The following ANXA8 variants were observed in gnomAD, a reference collection of about 807,000 sequenced individuals.
The protein encoded by ANXA8 is annexin A8.
In ANXA8, 9 loss-of-function variants were observed where a neutral mutation model predicts 26.8. The ratio of observed to expected loss-of-function variants is 0.34; its 90% CI spans 0.20 to 0.59. ANXA8 has a LOEUF of 0.59. ANXA8 is among the 20% of genes least tolerant of loss of function. The pLI is 0.84. For missense variants in ANXA8, 83 were observed against 238.5 expected (o/e 0.35, Z 4.29); for synonymous variants, 39 against 94.8 (o/e 0.41, Z 3.42).
At chr10:47,943,635 T>C in the ANXA8 span, among the ~76,000 whole-genome samples, 2 of 151,424 alleles carry the variant, frequency 1.3e-5, no homozygotes, top group African/African-American at 2.4e-5. Flanking sequence ...TTTTGGGGTG[T>C]CCTGGTAGGA....
chr10:47,691,315 C>A, the ANXA8 span: 7 of 962,326 alleles, frequency 7.3e-6, no homozygotes, highest in African/African-American at 2.1e-5. Flanking sequence ...TCTTTGAAGA[C>A]TCTTTCTTTA....
At chr10:47,696,428 G>T in the ANXA8 span, 6 of 1,300,924 alleles carry the variant, frequency 4.6e-6, no homozygotes, top group Non-Finnish European at 6.3e-6. Flanking sequence ...AGGACCAATG[G>T]ATTGGTGAGA....
the ANXA8 span, chr10:47,581,204 A>G: frequency 7.7e-6 from 3 of 388,222 alleles, no homozygotes; most frequent in Non-Finnish European, 1.5e-5. Flanking sequence ...AACCTAACAC[A>G]GTCTCACCTG....
chr10:47,631,251 A>G, the ANXA8 span, among the ~76,000 whole-genome samples: 1 of 151,520 alleles, frequency 6.6e-6, no homozygotes, highest in Non-Finnish European at 1.5e-5. Flanking sequence ...GTAATTATAA[A>G]TTCAGGATTC....
chr10:47,551,256 GT>G, the ANXA8 span, among the ~76,000 whole-genome samples: 4 of 151,660 alleles, frequency 2.6e-5, no homozygotes, highest in East Asian at 7.8e-4. Flanking sequence ...GAGGTAACTT[GT>G]TTTCTTGACC....
the ANXA8 span, among the ~76,000 whole-genome samples, chr10:47,941,183 T>C: frequency 6.8e-6 from 1 of 146,268 alleles, no homozygotes; most frequent in African/African-American, 2.6e-5. Context: ...CAGACAGGGG[T>C]AAGCAGACAC....
chr10:47,954,895 A>G, the ANXA8 span, among the ~76,000 whole-genome samples: 1 of 150,966 alleles, frequency 6.6e-6, no homozygotes, highest in Non-Finnish European at 1.5e-5. Flanking sequence ...ACATTAAAGC[A>G]GGAGAGATTA....
the ANXA8 span, among the ~76,000 whole-genome samples, chr10:47,700,055 T>G: frequency 6.6e-6 from 1 of 151,964 alleles, no homozygotes; most frequent in African/African-American, 2.4e-5. Context: ...ATAGGATGAC[T>G]CAACATTATA....
the ANXA8 span, among the ~76,000 whole-genome samples, chr10:47,743,323 T>TAC: frequency 8.5e-5 from 8 of 94,308 alleles, no homozygotes; most frequent in East Asian, 8.6e-4. Context: ...CACATATATA[T>TAC]ATATACATAT....
the ANXA8 span, among the ~76,000 whole-genome samples, chr10:47,946,981 G>A: frequency 2.7e-5 from 4 of 150,350 alleles, no homozygotes; most frequent in Admixed American, 6.6e-5. Context: ...ATGAGCCACC[G>A]AGCCTGGCCC....
the ANXA8 span, among the ~76,000 whole-genome samples, chr10:47,778,638 T>C: frequency 6.6e-6 from 1 of 151,876 alleles, no homozygotes; most frequent in African/African-American, 2.4e-5. Context: ...AATATAATTT[T>C]ATTCTAAAGG....
the ANXA8 span, among the ~76,000 whole-genome samples, chr10:47,958,450 G>A: frequency 1.4e-5 from 2 of 146,440 alleles, no homozygotes; most frequent in Non-Finnish European, 3.0e-5. Flanking sequence ...CTGCACTCCA[G>A]CCTGGAAGAT....
chr10:47,675,406 C>T, the ANXA8 span, among the ~76,000 whole-genome samples: 18 of 151,632 alleles, frequency 1.2e-4, no homozygotes, highest in Non-Finnish European at 4.4e-5. Context: ...AAGGTACTCC[C>T]ACAGTTTTAA....
At chr10:47,615,489 G>A in the ANXA8 span, among the ~76,000 whole-genome samples, 2 of 73,798 alleles carry the variant, frequency 2.7e-5, 1 homozygote, top group African/African-American at 7.9e-5. Flanking sequence ...CACTCATGGG[G>A]AACATCAGCA....
chr10:47,772,021 T>C, the ANXA8 span, among the ~76,000 whole-genome samples: 5 of 151,754 alleles, frequency 3.3e-5, no homozygotes, highest in Admixed American at 2.6e-4. Flanking sequence ...ATGTCATTGA[T>C]TGTGAAATGC....
At chr10:47,685,507 G>A in the ANXA8 span, among the ~76,000 whole-genome samples, 2 of 151,892 alleles carry the variant, frequency 1.3e-5, no homozygotes, top group African/African-American at 4.8e-5. Flanking sequence ...CTGCCTAGAA[G>A]GCAAGTAGGG....
chr10:47,952,834 A>G, the ANXA8 span, among the ~76,000 whole-genome samples: 3 of 149,226 alleles, frequency 2.0e-5, no homozygotes, highest in Admixed American at 6.6e-5. Context: ...CTGGACATAC[A>G]TAATATGTTG....
chr10:47,658,144 T>C, the ANXA8 span, among the ~76,000 whole-genome samples: 1 of 151,716 alleles, frequency 6.6e-6, no homozygotes, highest in Non-Finnish European at 1.5e-5. Flanking sequence ...CTGAGGCGGG[T>C]GGATCACGAG....
At chr10:47,685,728 A>G in the ANXA8 span, among the ~76,000 whole-genome samples, 2 of 150,044 alleles carry the variant, frequency 1.3e-5, no homozygotes, top group Non-Finnish European at 3.0e-5. Flanking sequence ...GAGAGAGAGA[A>G]ATTGGAGAGG....
Sources: gnomAD v4.1 joint callset for allele counts (sites outside exome capture counted in the v4.1 genomes callset) on GRCh38, gnomAD v4.1.1 for gene constraint, MANE v1.5 for transcripts, NCBI Gene and HGNC (gene_info 2026-07-23, HGNC 2026-07-21) for gene names.